SLC66A2: variants seen among roughly 807,000 people sequenced by gnomAD.
The protein encoded by SLC66A2 is PQ loop repeat containing 1.
SLC66A2 carries 23 observed loss-of-function variants against 25.5 expected under a neutral mutation model. The ratio of observed to expected loss-of-function variants is 0.90; its 90% CI spans 0.65 to 1.28. The LOEUF (loss-of-function observed/expected upper bound fraction) is 1.28, where lower values mean the gene tolerates loss of function less well. SLC66A2 is among the 50% of genes most tolerant of loss of function. The pLI is 0.00. For missense variants in SLC66A2, 396 were observed against 373.1 expected (o/e 1.06, Z -0.51); for synonymous variants, 193 against 166.5 (o/e 1.16, Z -1.23).
Position 79,903,612 on chromosome 18 carries a change from G to A in SLC66A2, c.*364C>T, listed in dbSNP as rs183105531. The A allele has an allele frequency of 2.4e-4, 67 of 282,532 alleles. No homozygotes were observed. Among genetic ancestry groups the A allele is most frequent in the East Asian group, 3.8e-4 (4 of 10,650 alleles). The allele number at this position is 282,532 out of a possible 1,614,324, so 17.5% of individuals were successfully genotyped here. A position where few individuals can be genotyped will look rare whatever the true frequency, so the allele number is the denominator to read the frequency against. ...TGCGGTCACCCCAGCTTCAAGGTTC[G>A]CGGCTGCTGGCCCGTGTGTCCACCT... On this transcript the variant is annotated 3_prime_UTR_variant, in exon 6 of 6. Coordinates refer to ENST00000397778, the MANE Select transcript of SLC66A2 (RefSeq NM_025078.5).
chr18:79,914,983 G>C (rs1983779007), intron 5 of SLC66A2, among the ~76,000 whole-genome samples: 1 of 152,256 alleles, frequency 6.6e-6, no homozygotes, highest in African/African-American at 2.4e-5. Flanking sequence ...CGCGGCGTCA[G>C]AGCAGCAGAA....
chr18:79,922,905 G>A (rs1209011346), intron 4 of SLC66A2, among the ~76,000 whole-genome samples: 2 of 150,392 alleles, frequency 1.3e-5, no homozygotes, highest in South Asian at 2.1e-4. Context: ...GGTGTCGGGG[G>A]CCGGCTGCCT....
Position 79,950,789 on chromosome 18 carries a change from G to A in SLC66A2, c.138C>T (p.Ala46=), listed in dbSNP as rs554178740. ...GGCACACGTAGGTGGAGAAGCCGTC[G>A]GCGTTCTGCGTCCTGCGAATGTCCC... ...QYRDIRRTQN[A]DGFSTYVCLV... The change falls in exon 2 of 6, where the codon GCC becomes GCT. Residue 46 remains alanine, a synonymous_variant. Transcript: ENST00000397778. The A allele has an allele frequency of 2.5e-6, 4 of 1,613,194 alleles. No individual in the cohort carries two copies. Among genetic ancestry groups the A allele is most frequent in the East Asian group, 2.2e-5 (1 of 44,884 alleles).
intron 5 of SLC66A2, among the ~76,000 whole-genome samples, chr18:79,911,723 A>AGGGCAGGGGAGGGGACGG (rs1225736759): frequency 6.6e-6 from 1 of 152,036 alleles, no homozygotes; most frequent in East Asian, 1.9e-4. Context: ...CATCATTTAG[A>AGGGCAGGGGAGGGGACGG]GGGCAGGGGA....
At position 79,904,373 on chromosome 18, in the gene SLC66A2, C is replaced by T. The variant is rs1981723897; in HGVS notation, c.609-190G>A. Among the ~76,000 whole-genome samples the T allele has an allele frequency of 6.6e-6, 1 of 151,786 alleles. No homozygotes were observed. Among genetic ancestry groups the T allele is most frequent in the Non-Finnish European group, 1.5e-5 (1 of 67,852 alleles). ...GCACCCAGGGGGTTGAGGGGACACCCAGTCTACAGGGTGACCCAGGGGTCA... is the reference window on the plus strand; with the variant it reads ...GCACCCAGGGGGTTGAGGGGACACCTAGTCTACAGGGTGACCCAGGGGTCA... On this transcript the variant is annotated intron_variant, in intron 5 of 5. Transcript: ENST00000397778. This position sits in a 1 kb window ranked among gnomAD's most constrained non-coding sequence, Gnocchi z 6.3.
In SLC66A2 at chr18:79,918,921, T is replaced by G. The variant is rs1293618813; in HGVS notation, c.608+263A>C. 6.6e-6 allele frequency among the ~76,000 whole-genome samples: 1 copy of G among 152,138 alleles called. No homozygotes were observed. The highest frequency in any genetic ancestry group is 1.5e-5 in the Non-Finnish European group (1 of 68,000). ...CTCGGACATCCCTCCCACTGGAAGG[T>G]TCCGTCTCAACGGCCCTGAAGGAGC... On this transcript the variant is annotated intron_variant, in intron 5 of 5. Coordinates refer to ENST00000397778, the MANE Select transcript of SLC66A2 (RefSeq NM_025078.5). This position sits in a 1 kb window ranked among gnomAD's most constrained non-coding sequence, Gnocchi z 4.0.
At chr18:79,910,802 T>C (rs1364189153) in intron 5 of SLC66A2, among the ~76,000 whole-genome samples, 2 of 152,124 alleles carry the variant, frequency 1.3e-5, no homozygotes, top group Non-Finnish European at 2.9e-5. Context: ...ACGTTTGTTT[T>C]GGCTGCTTTG....
rs1278342593 is a variant in SLC66A2 at position 79,937,597 on chromosome 18, G to A, written c.338-3575C>T. Among the ~76,000 whole-genome samples, 2 of 152,132 alleles carry A rather than the reference G, an allele frequency of 1.3e-5. No individual in the cohort carries two copies. Among genetic ancestry groups the A allele is most frequent in the African/African-American group, 2.4e-5 (1 of 41,412 alleles). On this transcript the variant is annotated intron_variant, in intron 3 of 5. Coordinates refer to ENST00000397778, the MANE Select transcript of SLC66A2 (RefSeq NM_025078.5). The surrounding 1 kb of genome is among the most constrained non-coding windows in gnomAD (Gnocchi z 5.4). ...CCAGCTAACAGACAACAAACATCCTGCAGCCCCTGATGAGCTGACGGCCTC... is the reference window on the plus strand; with the variant it reads ...CCAGCTAACAGACAACAAACATCCTACAGCCCCTGATGAGCTGACGGCCTC...
chr18:79,923,556 T>C (rs764007437), intron 4 of SLC66A2, among the ~76,000 whole-genome samples: 35 of 152,142 alleles, frequency 2.3e-4, no homozygotes, highest in Non-Finnish European at 3.8e-4. Flanking sequence ...AGAATGAACC[T>C]GGATGCTTAC....
intron 2 of SLC66A2, among the ~76,000 whole-genome samples, chr18:79,946,715 C>T (rs915723309): frequency 3.9e-4 from 59 of 152,356 alleles, no homozygotes; most frequent in Middle Eastern, 6.8e-3. Flanking sequence ...CACCTGTAAT[C>T]CCAGCACTTT....
At chr18:79,919,135 G>A (rs1418555798) in intron 5 of SLC66A2, 49 bp downstream of exon 5, 4 of 1,509,446 alleles carry the variant, frequency 2.6e-6, no homozygotes, top group Non-Finnish European at 3.7e-6. Context: ...CTGCAGCCAT[G>A]TGGTGCCTCT....
intron 5 of SLC66A2, among the ~76,000 whole-genome samples, chr18:79,912,019 C>T (rs568691692): frequency 4.7e-4 from 50 of 106,594 alleles, no homozygotes; most frequent in Admixed American, 2.4e-3. Flanking sequence ...GAGAGGACAG[C>T]AGCAGGAAGG....
At chr18:79,910,069 C>T (rs1568293474) in intron 5 of SLC66A2, among the ~76,000 whole-genome samples, 1 of 141,812 alleles carries the variant, frequency 7.1e-6, no homozygotes, top group African/African-American at 2.7e-5. Flanking sequence ...CCCAGCCTTC[C>T]CCACCATCTC....
intron 4 of SLC66A2, chr18:79,924,823 C>T (rs1360380201): frequency 6.6e-6 from 1 of 152,162 alleles, no homozygotes; most frequent in Non-Finnish European, 1.5e-5. Flanking sequence ...AATTAAGGTG[C>T]TGTCATTTGT....
chr18:79,921,883 G>T (rs1599566265), intron 4 of SLC66A2, among the ~76,000 whole-genome samples: 1 of 5,798 alleles, frequency 1.7e-4, no homozygotes, highest in African/African-American at 1.8e-4. Context: ...GGAGAGACGG[G>T]AACCGAGGGA....
intron 5 of SLC66A2, among the ~76,000 whole-genome samples, chr18:79,916,772 G>C (rs1984223170): frequency 6.6e-6 from 1 of 152,250 alleles, no homozygotes; most frequent in Non-Finnish European, 1.5e-5. Context: ...GTTTATGTCT[G>C]TCCTTTAAAA....
intron 4 of SLC66A2, among the ~76,000 whole-genome samples, chr18:79,923,049 G>A (rs1354260196): frequency 4.0e-5 from 6 of 151,698 alleles, no homozygotes; most frequent in South Asian, 2.1e-4. Flanking sequence ...CTCGGCATCC[G>A]AGCTGGAAAG....
chr18:79,931,555 A>G (rs1354565135), intron 4 of SLC66A2, among the ~76,000 whole-genome samples: 1 of 152,238 alleles, frequency 6.6e-6, no homozygotes, highest in East Asian at 1.9e-4. Context: ...AGACTTCCAC[A>G]CCCACATTTA....
rs762311794 is a variant in SLC66A2, at chr18:79,927,708, G to A, written c.391+6261C>T. ...GACAGGCTGAGTGGGGACTGAGCAC[G>A]TCTAGGGCCAGAGTGGGAGGGCCAG... On this transcript the variant is annotated intron_variant, in intron 4 of 5. Coordinates refer to ENST00000397778, the MANE Select transcript of SLC66A2 (RefSeq NM_025078.5). This position sits in a 1 kb window ranked among gnomAD's most constrained non-coding sequence, Gnocchi z 6.2. 1.3e-5 allele frequency among the ~76,000 whole-genome samples: 2 copies of A among 152,156 alleles called. No homozygotes were observed. The highest frequency in any genetic ancestry group is 2.4e-5 in the African/African-American group (1 of 41,450).
Sources: gnomAD v4.1 joint callset for allele counts (sites outside exome capture counted in the v4.1 genomes callset) on GRCh38, gnomAD v4.1.1 for gene constraint, Gnocchi (gnomAD v3.1) non-coding constraint, MANE v1.5 for transcripts, NCBI Gene and HGNC (gene_info 2026-07-23, HGNC 2026-07-21) for gene names.